Variants in METTL15 observed in about 807,000 individuals in gnomAD.
METTL15 encodes 12S rRNA N(4)-cytidine methyltransferase METTL15.
In METTL15, 34 loss-of-function variants were observed where a neutral mutation model predicts 38.3. The ratio of observed to expected loss-of-function variants is 0.89; its 90% CI spans 0.68 to 1.18. The LOEUF is 1.18. Ranked by LOEUF, METTL15 falls within the 50% of genes most tolerant of loss-of-function variation. The pLI is 0.00. For synonymous variants in METTL15, 162 were observed against 170.9 expected (o/e 0.95, Z 0.41); for missense variants, 438 against 498.4 (o/e 0.88, Z 1.15).
chr11:28,446,237 G>T (rs193284979), intron 6 of METTL15, among the ~76,000 whole-genome samples: 1 of 152,170 alleles, frequency 6.6e-6, no homozygotes, highest in African/African-American at 2.4e-5. Flanking sequence ...GGACCTTGAA[G>T]GGTCACCAAG....
At chr11:28,301,243 C>CTGGAATAT (rs1856903872) in intron 6 of METTL15, among the ~76,000 whole-genome samples, 1 of 152,030 alleles carries the variant, frequency 6.6e-6, no homozygotes, top group Non-Finnish European at 1.5e-5. Flanking sequence ...GTCCTTCTGC[C>CTGGAATAT]TGGAATATTG....
At chr11:28,130,947 G>A (rs926540860) in intron 3 of METTL15, among the ~76,000 whole-genome samples, 2 of 152,128 alleles carry the variant, frequency 1.3e-5, no homozygotes, top group Non-Finnish European at 2.9e-5. Context: ...TCTCCTTCAT[G>A]AATAGACACT....
At chr11:28,121,833 T>G (rs957392443) in intron 3 of METTL15, among the ~76,000 whole-genome samples, 1 of 152,060 alleles carries the variant, frequency 6.6e-6, no homozygotes, top group Non-Finnish European at 1.5e-5. Flanking sequence ...GTTTATTATA[T>G]GCAATATTTT....
chr11:28,431,775 A>AT (rs1412291543), intron 6 of METTL15, among the ~76,000 whole-genome samples: 8 of 66,142 alleles, frequency 1.2e-4, no homozygotes, highest in African/African-American at 4.5e-4. Flanking sequence ...AGAATTATCA[A>AT]TAAAAAAATA....
At chr11:28,386,687 G>A (rs947958364) in intron 5 of METTL15, among the ~76,000 whole-genome samples, 2 of 151,894 alleles carry the variant, frequency 1.3e-5, no homozygotes, top group African/African-American at 2.4e-5. Flanking sequence ...AATAGAGGAT[G>A]TGGACAACAT....
At chr11:28,530,017 T>C (rs1323358435), downstream of METTL15, among the ~76,000 whole-genome samples, 2 of 152,134 alleles carry the variant, frequency 1.3e-5, no homozygotes, top group Non-Finnish European at 2.9e-5. Context: ...AGTAGAGTCT[T>C]GGAGCTATAC....
intron 3 of METTL15, among the ~76,000 whole-genome samples, chr11:28,157,644 G>A (rs537885312): frequency 6.6e-6 from 1 of 152,162 alleles, no homozygotes; most frequent in Non-Finnish European, 1.5e-5. Flanking sequence ...GCCCATCTAG[G>A]TATTAATTGG....
At chr11:28,342,164 A>T (rs539217743) in intron 3 of METTL15, among the ~76,000 whole-genome samples, 11 of 152,208 alleles carry the variant, frequency 7.2e-5, no homozygotes, top group Non-Finnish European at 1.3e-4. Context: ...GAGCATTCAC[A>T]TTCTTCATCC....
At chr11:28,167,182 CG>C (rs769138134) in intron 3 of METTL15, among the ~76,000 whole-genome samples, 93 of 152,010 alleles carry the variant, frequency 6.1e-4, no homozygotes, top group Non-Finnish European at 1.2e-3. Context: ...ATTATTACAG[CG>C]GGAGTTAGGA....
intron 4 of METTL15, among the ~76,000 whole-genome samples, chr11:28,246,593 C>T (rs922970877): frequency 7.9e-5 from 12 of 152,054 alleles, no homozygotes; most frequent in Non-Finnish European, 1.5e-4. Flanking sequence ...GTAAGTGTTA[C>T]CTATTATGGG....
chr11:28,188,129 A>C (rs895913707), intron 3 of METTL15, among the ~76,000 whole-genome samples: 1 of 151,268 alleles, frequency 6.6e-6, no homozygotes, highest in Non-Finnish European at 1.5e-5. Context: ...AGTGAATATC[A>C]CATTACAAAA....
chr11:28,233,794 ATTCT>A (rs1379369383), intron 4 of METTL15, among the ~76,000 whole-genome samples: 3 of 151,580 alleles, frequency 2.0e-5, no homozygotes, highest in Non-Finnish European at 2.9e-5. Context: ...CTCTGACTCC[ATTCT>A]TTCTTTTTTT....
intron 6 of METTL15, among the ~76,000 whole-genome samples, chr11:28,487,510 T>C (rs1851448304): frequency 6.6e-6 from 1 of 152,216 alleles, no homozygotes; most frequent in Admixed American, 6.5e-5. Flanking sequence ...GAAAGTTATG[T>C]ACTTAAGTTG....
At chr11:28,140,480 C>G (rs191420405) in intron 3 of METTL15, among the ~76,000 whole-genome samples, 1 of 152,214 alleles carries the variant, frequency 6.6e-6, no homozygotes, top group Non-Finnish European at 1.5e-5. Flanking sequence ...CAGAAAAAGT[C>G]TGAGGAGGAG....
At chr11:28,302,645 T>C (rs574847262) in intron 6 of METTL15, among the ~76,000 whole-genome samples, 3 of 152,278 alleles carry the variant, frequency 2.0e-5, no homozygotes, top group South Asian at 4.1e-4. Flanking sequence ...GTAAGTCCAA[T>C]TAAACCTCTT....
At chr11:28,300,095 G>GGTAGACATGAATTGTGCTAC (rs1856861454) in intron 6 of METTL15, among the ~76,000 whole-genome samples, 2 of 152,000 alleles carry the variant, frequency 1.3e-5, no homozygotes, top group Admixed American at 6.6e-5. Flanking sequence ...ATAGGTTCTG[G>GGTAGACATGAATTGTGCTAC]GTAGACATGA....
intron 4 of METTL15, among the ~76,000 whole-genome samples, chr11:28,276,993 G>A (rs901383076): frequency 7.2e-5 from 11 of 152,186 alleles, no homozygotes; most frequent in Middle Eastern, 6.8e-3. Context: ...CTTGGTTTAG[G>A]CAAATAATTT....
intron 6 of METTL15, among the ~76,000 whole-genome samples, chr11:28,310,351 T>TACACAC (rs111303962): frequency 0.12 from 18,347 of 147,006 alleles, 1,285 homozygotes; most frequent in East Asian, 0.22. Context: ...TGTTCAGAGG[T>TACACAC]ACACACACAC....
At chr11:28,164,774 C>T (rs988267026) in intron 3 of METTL15, among the ~76,000 whole-genome samples, 1 of 152,048 alleles carries the variant, frequency 6.6e-6, no homozygotes, top group Non-Finnish European at 1.5e-5. Flanking sequence ...ACTTAGTCAT[C>T]CTGCTTTGCA....
Sources: gnomAD v4.1 joint callset for allele counts (sites outside exome capture counted in the v4.1 genomes callset) on GRCh38, gnomAD v4.1.1 for gene constraint, MANE v1.5 for transcripts, NCBI Gene and HGNC (gene_info 2026-07-23, HGNC 2026-07-21) for gene names.